The following BRCA1 variants were observed in gnomAD, a reference collection of about 807,000 sequenced individuals.
BRCA1 encodes the protein BRCA1 DNA repair associated, also known as breast cancer type 1 susceptibility protein.
Under a neutral mutation model 173.7 loss-of-function variants are expected in BRCA1, and 140 were observed. That is an observed-to-expected ratio of 0.81 (90% CI 0.70 to 0.93). The LOEUF is 0.93. BRCA1 is among the 40% of genes least tolerant of loss of function. BRCA1 has a pLI of 0.00. For missense variants in BRCA1, 1,983 were observed against 2,172.5 expected (o/e 0.91, Z 1.73); for synonymous variants, 662 against 756.0 (o/e 0.88, Z 2.04).
intron 16 of BRCA1, among the ~76,000 whole-genome samples, chr17:43,066,507 T>G (rs1005987022): frequency 4.0e-5 from 6 of 151,530 alleles, no homozygotes; most frequent in East Asian, 3.9e-4. Context: ...GCCTCCAGAG[T>G]TCAAGCAATT....
chr17:43,137,597 C>T (rs1359412913), intron 1 of BRCA1, among the ~76,000 whole-genome samples: 1 of 152,116 alleles, frequency 6.6e-6, no homozygotes, highest in African/African-American at 2.4e-5. Context: ...CCTGAATTTC[C>T]TGGCGGGGCA....
Position 43,092,896 on chromosome 17 carries a change from C to T in BRCA1, c.2635G>A (p.Glu879Lys), listed in dbSNP as rs80357251. The T allele has an allele frequency of 6.2e-7, 1 of 1,613,898 alleles. No homozygotes were observed. Among genetic ancestry groups the T allele is most frequent in the Non-Finnish European group, 8.5e-7 (1 of 1,179,998 alleles). ...GCAGAGAATGTTGCACATTCCTCTT[C>T]TGCATTTCCTGGATTTGAAAACGGA... is the stretch of plus-strand genomic sequence containing the variant. ...FAPFSNPGNA[E>K]EECATFSAHS... Residue 879 changes from glutamate to lysine, a missense_variant, in exon 10 of 23, where the codon GAA (glutamate) becomes AAA (lysine). Transcript: ENST00000357654.
intron 1 of BRCA1, chr17:43,160,657 C>G (rs1291783078): frequency 6.6e-6 from 1 of 152,026 alleles, no homozygotes; most frequent in Non-Finnish European, 1.5e-5. Flanking sequence ...TTAGTTTTTA[C>G]TTTTTCTTTC....
At chr17:43,097,098 G>A (rs2054169610) in intron 8 of BRCA1, 146 bp downstream of exon 8, 1 of 765,658 alleles carries the variant, frequency 1.3e-6, no homozygotes, top group African/African-American at 1.8e-5. Context: ...CCCAAGTCGT[G>A]TGTTTACCTA....
intron 1 of BRCA1, among the ~76,000 whole-genome samples, chr17:43,155,807 G>A (rs1302081986): frequency 6.6e-6 from 1 of 152,130 alleles, no homozygotes; most frequent in Non-Finnish European, 1.5e-5. Context: ...ACAGGTATGA[G>A]CCACTACACT....
chr17:43,113,663 G>A (rs562568020), intron 3 of BRCA1, among the ~76,000 whole-genome samples: 3 of 152,064 alleles, frequency 2.0e-5, no homozygotes, highest in Admixed American at 1.3e-4. Flanking sequence ...CACCGCGCCC[G>A]TCCTCTATTT....
At chr17:43,076,305 TTA>T (rs773857297) in intron 13 of BRCA1, among the ~76,000 whole-genome samples, 181 bp downstream of exon 13, 79 of 152,176 alleles carry the variant, frequency 5.2e-4, no homozygotes, top group Non-Finnish European at 9.7e-4. Flanking sequence ...ATGTTGTAGC[TTA>T]TGTTATAGGT....
At chr17:43,147,150 G>A (rs949960194) in intron 1 of BRCA1, among the ~76,000 whole-genome samples, 6 of 152,108 alleles carry the variant, frequency 3.9e-5, no homozygotes, top group Admixed American at 3.9e-4. Flanking sequence ...TACAGGCTGC[G>A]CCACCGCGCC....
chr17:43,093,069 T>A lies in BRCA1; in HGVS notation c.2462A>T (p.Asp821Val). Residue 821 changes from aspartate (D) to valine (V), a missense_variant, in exon 10 of 23, where the codon GAT becomes GTT. Coordinates refer to ENST00000357654, the MANE Select transcript of BRCA1 (RefSeq NM_007294.4). ...AAAGCCTTCTGTGTCATTTCTATTA[T>A]CTTTGGAACAACCATGAATTAGTCC... ...PKGLIHGCSK[D>V]NRNDTEGFKY... 1 of 1,613,822 alleles carries A rather than the reference T, an allele frequency of 6.2e-7. No homozygotes were observed. Among genetic ancestry groups the A allele is most frequent in the East Asian group, 2.2e-5 (1 of 44,874 alleles).
At chr17:43,138,973 C>T in intron 1 of BRCA1, 1 of 778,568 alleles carries the variant, frequency 1.3e-6, no homozygotes. Context: ...CAACCTTCAC[C>T]ACCTCTAGCC....
chr17:43,053,323 C>T (rs998629784), intron 19 of BRCA1, among the ~76,000 whole-genome samples: 3 of 152,156 alleles, frequency 2.0e-5, no homozygotes, highest in African/African-American at 7.2e-5. Flanking sequence ...TGTTTATATC[C>T]AGGCTAACAC....
At chr17:43,145,618 G>A (rs1167660507) in intron 1 of BRCA1, among the ~76,000 whole-genome samples, 14 of 152,122 alleles carry the variant, frequency 9.2e-5, no homozygotes, top group Admixed American at 7.2e-4. Flanking sequence ...GAGCCACTGC[G>A]CCCGGCCTCC....
At chr17:43,169,119 T>G (rs1283466388) in intron 1 of BRCA1, among the ~76,000 whole-genome samples, 5 of 152,168 alleles carry the variant, frequency 3.3e-5, no homozygotes, top group Non-Finnish European at 5.9e-5. Flanking sequence ...TTCCCAGACA[T>G]ATTCCTGGCA....
intron 3 of BRCA1, among the ~76,000 whole-genome samples, chr17:43,113,979 G>A (rs2055151749): frequency 6.6e-6 from 1 of 151,996 alleles, no homozygotes; most frequent in African/African-American, 2.4e-5. Flanking sequence ...AGAGGCTGAG[G>A]CAGGAGAATC....
intron 1 of BRCA1, among the ~76,000 whole-genome samples, chr17:43,138,002 C>T (rs914628573): frequency 6.7e-6 from 1 of 149,596 alleles, no homozygotes; most frequent in African/African-American, 2.5e-5. Context: ...GTCTGACCAG[C>T]ATGGTGAAAC....
rs376686434 is a variant in BRCA1, at chr17:43,086,109, TACACACACACACACAC to T, written c.4186-3550_4186-3535del. Among the ~76,000 whole-genome samples the T allele has an allele frequency of 1.2e-4, 17 of 137,458 alleles. 2 individuals carry two copies. Among genetic ancestry groups the T allele is most frequent in the African/African-American group, 3.4e-4 (13 of 37,836 alleles). The allele number at this position is 137,458 out of a possible 152,430, so 90.2% of individuals were successfully genotyped here. On this transcript the variant is annotated intron_variant, in intron 11 of 22. Transcript: ENST00000357654. Reference sequence around the variant, plus strand: ...TCCTATATTTATTTTATCACATACATACACACACACACACACACACACACACACACACACACACAGA... The same window carrying T: ...TCCTATATTTATTTTATCACATACATACACACACACACACACACACACAGA...
At chr17:43,095,683 T>C (rs1311277464) in intron 9 of BRCA1, among the ~76,000 whole-genome samples, 163 bp downstream of exon 9, 1 of 152,126 alleles carries the variant, frequency 6.6e-6, no homozygotes. Context: ...TTTAAATCTA[T>C]CAGACCATAC....
chr17:43,085,992 A>G (rs2053214376), intron 11 of BRCA1, among the ~76,000 whole-genome samples: 1 of 152,110 alleles, frequency 6.6e-6, no homozygotes, highest in South Asian at 2.1e-4. Context: ...TTTTGTCGAC[A>G]TGTTGTGAAT....
upstream of BRCA1, among the ~76,000 whole-genome samples, chr17:43,129,529 G>A (rs2055947379): frequency 6.6e-6 from 1 of 152,122 alleles, no homozygotes; most frequent in Admixed American, 6.5e-5. Flanking sequence ...AAGTGCAGTG[G>A]CACGATCGCG....
Sources: gnomAD v4.1 joint callset for allele counts (sites outside exome capture counted in the v4.1 genomes callset) on GRCh38, gnomAD v4.1.1 for gene constraint, MANE v1.5 for transcripts, NCBI Gene and HGNC (gene_info 2026-07-23, HGNC 2026-07-21) for gene names.